ARHGAP39: variants seen among roughly 807,000 people sequenced by gnomAD.
The protein encoded by ARHGAP39 is rho GTPase-activating protein 39.
A neutral mutation model predicts 106.9 loss-of-function variants in ARHGAP39; 44 were observed. The ratio of observed to expected loss-of-function variants is 0.41; its 90% CI spans 0.32 to 0.53. ARHGAP39 has a LOEUF of 0.53. Among genes scored for constraint, ARHGAP39 ranks in the 20% least tolerant of loss-of-function variants. The pLI is 0.21. For synonymous variants in ARHGAP39, 768 were observed against 693.2 expected, an observed-to-expected ratio of 1.11 and a Z score of -1.69; for missense variants, 1,496 against 1,577.3, an observed-to-expected ratio of 0.95 and a Z score of 0.87.
At chr8:144,694,240 G>A in the ARHGAP39 span, among the ~76,000 whole-genome samples, 5 of 152,226 alleles carry the variant, frequency 3.3e-5, no homozygotes, top group African/African-American at 1.2e-4. Context: ...GCTTGGGGGA[G>A]CAGCAAGAGC....
At chr8:144,674,425 G>A (rs980446597) in intron 1 of ARHGAP39, among the ~76,000 whole-genome samples, 45 of 152,330 alleles carry the variant, frequency 3.0e-4, no homozygotes, top group African/African-American at 1.0e-3. Context: ...AGGCTGTCCT[G>A]TTGTTTGCCT....
intron 7 of ARHGAP39, among the ~76,000 whole-genome samples, chr8:144,534,925 G>A (rs541574903): frequency 1.3e-5 from 2 of 152,344 alleles, no homozygotes; most frequent in South Asian, 4.1e-4. Context: ...AGGTGCTAGA[G>A]GGGAGAGGAT....
At position 144,671,478 on chromosome 8, in the gene ARHGAP39, C is replaced by A. The variant is rs1001114634; in HGVS notation, c.-82+14208G>T. On this transcript the variant is annotated intron_variant, in intron 1 of 11. Coordinates refer to ENST00000377307, the MANE Select transcript of ARHGAP39 (RefSeq NM_025251.3). The surrounding 1 kb of genome is among the most constrained non-coding windows in gnomAD (Gnocchi z 4.5). Reference sequence around the variant, plus strand: ...CTTCAGGAGACAGTGTCACTCTACACGCTGCAAACACCACCCTCCCACCTG... The same window carrying A: ...CTTCAGGAGACAGTGTCACTCTACAAGCTGCAAACACCACCCTCCCACCTG... 1.3e-5 allele frequency among the ~76,000 whole-genome samples: 2 copies of A among 152,214 alleles called. No homozygotes were observed. Among genetic ancestry groups the A allele is most frequent in the Non-Finnish European group, 2.9e-5 (2 of 68,036 alleles).
At chr8:144,677,768 G>T (rs1032404460) in intron 1 of ARHGAP39, among the ~76,000 whole-genome samples, 1 of 152,194 alleles carries the variant, frequency 6.6e-6, no homozygotes, top group Non-Finnish European at 1.5e-5. Context: ...GTCCAGCAAA[G>T]CTTCCAGGGG....
intron 1 of ARHGAP39, among the ~76,000 whole-genome samples, chr8:144,674,933 C>T (rs4424311): frequency 1.1e-4 from 16 of 152,134 alleles, no homozygotes; most frequent in African/African-American, 3.4e-4. Flanking sequence ...GGCCAGGTAG[C>T]GGGAGGAGGC....
Position 144,548,195 on chromosome 8 carries a change from C to A in ARHGAP39, c.891G>T (p.Gly297=). The part of the protein sequence containing the change: ...PLLAQPRKPS[G]DSQPSSPRYG... ...AGCGCGGGGAGGAGGGCTGCGAGTC[C>A]CCGGAGGGCTTTCGGGGCTGGGCCA... The change falls in exon 5 of 12, where the codon GGG becomes GGT. Residue 297 remains glycine, a synonymous_variant. Coordinates refer to ENST00000377307, the MANE Select transcript of ARHGAP39 (RefSeq NM_025251.3). This position sits in a 1 kb window ranked among gnomAD's most constrained non-coding sequence, Gnocchi z 7.4. The A allele has an allele frequency of 6.3e-7, 1 of 1,587,978 alleles. No homozygotes were observed. The highest frequency in any genetic ancestry group is 1.1e-5 in the South Asian group (1 of 87,718).
chr8:144,545,103 AGT>A, intron 6 of ARHGAP39, 144 bp downstream of exon 6: 1 of 692,940 alleles, frequency 1.4e-6, no homozygotes, highest in East Asian at 3.1e-5. Context: ...AGAGGCCCAG[AGT>A]GTGGGGCGTT....
Position 144,530,419 on chromosome 8 carries a change from C to G in ARHGAP39, c.*3G>C. 1 of 1,592,610 alleles carries G rather than the reference C, an allele frequency of 6.3e-7. No individual in the cohort carries two copies. Among genetic ancestry groups the G allele is most frequent in the Non-Finnish European group, 8.6e-7 (1 of 1,167,028 alleles). The stretch of plus-strand genomic sequence containing the variant: ...ACATCCCTCCTGTCCCCGGGCGCCC[C>G]CGCTACAGCACACCCTCCATGAAGC... On this transcript the variant is annotated 3_prime_UTR_variant, in exon 12 of 12. Coordinates refer to ENST00000377307, the MANE Select transcript of ARHGAP39 (RefSeq NM_025251.3).
chr8:144,553,975 C>A (rs1313308498), intron 4 of ARHGAP39, among the ~76,000 whole-genome samples: 1 of 152,260 alleles, frequency 6.6e-6, no homozygotes, highest in African/African-American at 2.4e-5. Context: ...AGAGGTGCAG[C>A]TGCTGGCCCT....
intron 7 of ARHGAP39, among the ~76,000 whole-genome samples, chr8:144,537,057 C>T (rs1354542807): frequency 1.3e-5 from 2 of 152,138 alleles, no homozygotes; most frequent in African/African-American, 4.8e-5. Flanking sequence ...TGGGTGTGAG[C>T]GCGGAGCTGA....
chr8:144,532,699 C>T (rs1308234837), intron 9 of ARHGAP39, among the ~76,000 whole-genome samples: 1 of 152,190 alleles, frequency 6.6e-6, no homozygotes, highest in East Asian at 1.9e-4. Context: ...AACCTGCAAG[C>T]CTCAGTTTCC....
At chr8:144,628,447 T>G (rs1820980387) in intron 1 of ARHGAP39, among the ~76,000 whole-genome samples, 1 of 151,852 alleles carries the variant, frequency 6.6e-6, no homozygotes, top group South Asian at 2.1e-4. Context: ...CATTCCGGAG[T>G]GGCATGCCAA....
intron 3 of ARHGAP39, among the ~76,000 whole-genome samples, chr8:144,562,428 C>CCCAGTCGTTTCCATCACACT (rs1818221779): frequency 7.4e-6 from 1 of 135,140 alleles, no homozygotes; most frequent in African/African-American, 2.9e-5. Flanking sequence ...TCCATCGGAC[C>CCCAGTCGTTTCCATCACACT]CCAGTGGTTT....
chr8:144,700,049 G>A, the ARHGAP39 span, among the ~76,000 whole-genome samples: 1 of 152,178 alleles, frequency 6.6e-6, no homozygotes, highest in Non-Finnish European at 1.5e-5. The surrounding 1 kb of genome is among the most constrained non-coding windows in gnomAD (Gnocchi z 5.6). Flanking sequence ...ATTTCCCGAG[G>A]GTCTCAGGCG....
intron 3 of ARHGAP39, among the ~76,000 whole-genome samples, chr8:144,578,729 C>T (rs565157960): frequency 9.9e-5 from 15 of 151,840 alleles, no homozygotes; most frequent in African/African-American, 3.4e-4. Flanking sequence ...CACGTGCCTG[C>T]AGTCCCAGAT....
At chr8:144,552,928 C>T (rs1817774163) in intron 4 of ARHGAP39, among the ~76,000 whole-genome samples, 1 of 152,202 alleles carries the variant, frequency 6.6e-6, no homozygotes, top group Non-Finnish European at 1.5e-5. Context: ...AAGCACCAGG[C>T]ATGCTCTGGG....
rs200414500 is a variant in ARHGAP39, at chr8:144,548,264, G to A, written c.822C>T (p.Pro274=). 106 of 1,608,782 alleles carry A rather than the reference G, an allele frequency of 6.6e-5. No individual in the cohort carries two copies. The highest frequency in any genetic ancestry group is 8.2e-5 in the Non-Finnish European group (97 of 1,177,820). ...CTGGGAGCTCGGCCCTCTTCAGGAA[G>A]GGTGACGGCCTCCTCTCTGGGAAGA... ...TIFFPERRPS[P]FLKRAELPGS... Residue 274 remains proline (P), a synonymous_variant, in exon 5 of 12, where the codon CCC becomes CCT. Coordinates refer to ENST00000377307, the MANE Select transcript of ARHGAP39 (RefSeq NM_025251.3). The surrounding 1 kb of genome is among the most constrained non-coding windows in gnomAD (Gnocchi z 7.4).
intron 1 of ARHGAP39, among the ~76,000 whole-genome samples, chr8:144,665,939 C>T (rs1047063342): frequency 2.6e-5 from 4 of 152,282 alleles, no homozygotes; most frequent in East Asian, 1.9e-4. Context: ...CAGCTTGCAC[C>T]GTGTGCCTGG....
At chr8:144,549,968 G>T (rs1482370579) in intron 4 of ARHGAP39, among the ~76,000 whole-genome samples, 2 of 152,146 alleles carry the variant, frequency 1.3e-5, no homozygotes, top group Non-Finnish European at 2.9e-5. Context: ...TACTACAAAC[G>T]AGGTAGCTTA....
Sources: gnomAD v4.1 joint callset for allele counts (sites outside exome capture counted in the v4.1 genomes callset) on GRCh38, gnomAD v4.1.1 for gene constraint, Gnocchi (gnomAD v3.1) non-coding constraint, MANE v1.5 for transcripts, NCBI Gene and HGNC (gene_info 2026-07-23, HGNC 2026-07-21) for gene names.